CSMD1: variants seen among roughly 807,000 people sequenced by gnomAD.
CSMD1 encodes CUB and Sushi multiple domains 1.
Under a neutral mutation model 417.5 loss-of-function variants are expected in CSMD1, and 213 were observed. The ratio of observed to expected loss-of-function variants is 0.51; its 90% CI spans 0.46 to 0.57. The LOEUF is 0.57. Ranked by LOEUF, CSMD1 falls within the 20% of genes least tolerant of loss-of-function variation. The probability of loss-of-function intolerance (pLI) is 0.00; values close to 1 mark genes in which losing one functional copy is unlikely to be tolerated. For missense variants in CSMD1, 6,923 were observed against 4,529.7 expected, an observed-to-expected ratio of 1.53 and a Z score of -15.17; for synonymous variants, 2,862 against 1,736.8, an observed-to-expected ratio of 1.65 and a Z score of -16.11.
At chr8:3,825,212 T>C (rs1801983531) in intron 5 of CSMD1, among the ~76,000 whole-genome samples, 1 of 152,070 alleles carries the variant, frequency 6.6e-6, no homozygotes, top group African/African-American at 2.4e-5. Flanking sequence ...AGTCATAAAA[T>C]AAGTGAATCC....
chr8:3,737,360 T>G (rs1796575260), intron 6 of CSMD1, among the ~76,000 whole-genome samples: 1 of 152,200 alleles, frequency 6.6e-6, no homozygotes, highest in African/African-American at 2.4e-5. Flanking sequence ...CCCCCCTTTC[T>G]CTATCACATT....
intron 3 of CSMD1, among the ~76,000 whole-genome samples, chr8:4,369,428 G>A (rs973999157): frequency 3.3e-5 from 5 of 152,160 alleles, no homozygotes; most frequent in Admixed American, 1.3e-4. Context: ...TCACTGTTGG[G>A]TGGAGTGTTT....
At chr8:4,589,679 C>G (rs1055744155) in intron 2 of CSMD1, among the ~76,000 whole-genome samples, 1 of 152,144 alleles carries the variant, frequency 6.6e-6, no homozygotes, top group Non-Finnish European at 1.5e-5. Flanking sequence ...CAAAAATAAC[C>G]TCCGCAATTG....
intron 26 of CSMD1, among the ~76,000 whole-genome samples, chr8:3,236,492 C>G (rs968480564): frequency 4.7e-4 from 72 of 152,248 alleles, no homozygotes; most frequent in African/African-American, 1.5e-3. Context: ...TCGGTTGGGT[C>G]TTTGAAACAA....
At position 4,367,278 on chromosome 8, in the gene CSMD1, T is replaced by A. The variant is rs539294293; in HGVS notation, c.415+52675A>T. 9.8e-4 allele frequency among the ~76,000 whole-genome samples: 149 copies of A among 152,132 alleles called. 1 individual carries two copies. The highest frequency in any genetic ancestry group is 3.5e-3 in the African/African-American group (146 of 41,522). ...GTCCAGCCGGGCCAGACTGCATGAGTCTAGACAGTTTTCCCAGCTCCATTT... is the reference window on the plus strand; with the variant it reads ...GTCCAGCCGGGCCAGACTGCATGAGACTAGACAGTTTTCCCAGCTCCATTT... On this transcript the variant is annotated intron_variant, in intron 3 of 69. Coordinates refer to ENST00000635120, the MANE Select transcript of CSMD1 (RefSeq NM_033225.6).
At chr8:4,528,259 C>G (rs576432021) in intron 2 of CSMD1, among the ~76,000 whole-genome samples, 2 of 152,252 alleles carry the variant, frequency 1.3e-5, no homozygotes, top group African/African-American at 2.4e-5. Context: ...AGTAGCCCCA[C>G]AAGTCCAATT....
intron 26 of CSMD1, among the ~76,000 whole-genome samples, chr8:3,259,571 T>C (rs1202969413): frequency 1.3e-5 from 2 of 152,216 alleles, no homozygotes; most frequent in African/African-American, 2.4e-5. Context: ...TCCATTACAA[T>C]GATTAGTTGT....
chr8:2,981,670 G>T (rs1805436320), intron 54 of CSMD1, among the ~76,000 whole-genome samples: 1 of 152,182 alleles, frequency 6.6e-6, no homozygotes, highest in African/African-American at 2.4e-5. Flanking sequence ...ATGAGAACAT[G>T]ATGTCTTATA....
chr8:4,865,193 T>C (rs1007395291), intron 1 of CSMD1, among the ~76,000 whole-genome samples: 9 of 151,822 alleles, frequency 5.9e-5, no homozygotes, highest in Non-Finnish European at 1.3e-4. Context: ...CTAATATCAT[T>C]CTCATGCATA....
chr8:4,203,211 G>C (rs573650034), intron 3 of CSMD1, among the ~76,000 whole-genome samples: 4 of 152,162 alleles, frequency 2.6e-5, no homozygotes, highest in Admixed American at 6.5e-5. Context: ...TGCTGGCTTT[G>C]AAGATGGAGA....
chr8:3,703,603 G>T (rs576862602), intron 7 of CSMD1, among the ~76,000 whole-genome samples: 1 of 152,172 alleles, frequency 6.6e-6, no homozygotes, highest in East Asian at 1.9e-4. Flanking sequence ...TTGAACTAAA[G>T]GTACAATCAA....
At chr8:4,085,617 C>G (rs2552152) in intron 3 of CSMD1, among the ~76,000 whole-genome samples, 1 of 152,006 alleles carries the variant, frequency 6.6e-6, no homozygotes, top group Non-Finnish European at 1.5e-5. Context: ...GGGAACCTCA[C>G]GGGAACTGTG....
intron 3 of CSMD1, among the ~76,000 whole-genome samples, chr8:4,127,963 G>A (rs1037023060): frequency 2.6e-5 from 4 of 152,162 alleles, no homozygotes; most frequent in Admixed American, 2.6e-4. Flanking sequence ...AAAGCCTTGT[G>A]ATATTGGTAA....
At chr8:4,840,961 G>A (rs1037887512) in intron 1 of CSMD1, among the ~76,000 whole-genome samples, 5 of 152,180 alleles carry the variant, frequency 3.3e-5, no homozygotes, top group Admixed American at 2.6e-4. Flanking sequence ...AAAAACAAGT[G>A]CACTGGGCTA....
At chr8:3,831,465 A>C (rs984735819) in intron 5 of CSMD1, among the ~76,000 whole-genome samples, 1 of 152,164 alleles carries the variant, frequency 6.6e-6, no homozygotes, top group Non-Finnish European at 1.5e-5. Context: ...ATTCCTTATA[A>C]ACATGATATT....
At chr8:4,035,155 G>A (rs924926117) in intron 3 of CSMD1, among the ~76,000 whole-genome samples, 1 of 150,208 alleles carries the variant, frequency 6.7e-6, no homozygotes, top group Non-Finnish European at 1.5e-5. Context: ...ATCGGTCCCA[G>A]GAGATGATGG....
chr8:4,519,670 G>T (rs1803322415), intron 2 of CSMD1, among the ~76,000 whole-genome samples: 1 of 137,230 alleles, frequency 7.3e-6, no homozygotes, highest in African/African-American at 2.7e-5. Flanking sequence ...TTGAACCCAG[G>T]AGGCAGAGGT....
At chr8:3,667,491 G>T (rs1258183365) in intron 7 of CSMD1, among the ~76,000 whole-genome samples, 2 of 152,066 alleles carry the variant, frequency 1.3e-5, no homozygotes, top group East Asian at 3.9e-4. Flanking sequence ...GCAGGGCCAG[G>T]GTGGCTGGAG....
rs144162192 is a variant in CSMD1 at position 4,212,224 on chromosome 8, T to G, written c.416-180125A>C. 1.6e-3 allele frequency among the ~76,000 whole-genome samples: 242 copies of G among 151,156 alleles called. 1 individual carries two copies. Among genetic ancestry groups the G allele is most frequent in the African/African-American group, 5.5e-3 (227 of 41,324 alleles). On this transcript the variant is annotated intron_variant, in intron 3 of 69. Transcript: ENST00000635120. ...TTTCTCTCCATGTTGTTTTAACTTA[T>G]TATACCTTAGCTAATTTTGCATCCT...
Sources: gnomAD v4.1 joint callset for allele counts (sites outside exome capture counted in the v4.1 genomes callset) on GRCh38, gnomAD v4.1.1 for gene constraint, MANE v1.5 for transcripts, NCBI Gene and HGNC (gene_info 2026-07-23, HGNC 2026-07-21) for gene names.